Variants in ESRRG observed in about 807,000 individuals in gnomAD.
ESRRG encodes the protein estrogen-related receptor gamma.
In ESRRG, 13 loss-of-function variants were observed where a neutral mutation model predicts 44.0. That is an observed-to-expected ratio of 0.30 (90% confidence interval 0.19 to 0.47). The LOEUF is 0.47. ESRRG is among the 20% of genes least tolerant of loss of function. ESRRG has a pLI of 1.00. For synonymous variants in ESRRG, 215 were observed against 214.6 expected (o/e 1.00, Z -0.02); for missense variants, 395 against 580.6 (o/e 0.68, Z 3.29).
At chr1:217,009,199 G>A (rs186520377) in intron 1 of ESRRG, among the ~76,000 whole-genome samples, 52 of 152,026 alleles carry the variant, frequency 3.4e-4, no homozygotes, top group Admixed American at 3.3e-4. Flanking sequence ...CCCCCTTACC[G>A]CTCTCACAGC....
chr1:217,071,245 A>G (rs913560318), intron 1 of ESRRG, among the ~76,000 whole-genome samples: 2 of 152,260 alleles, frequency 1.3e-5, no homozygotes, highest in African/African-American at 2.4e-5. Context: ...TCTCTCCTTC[A>G]TTGCAAAAAA....
intron 3 of ESRRG, among the ~76,000 whole-genome samples, chr1:216,580,763 G>T (rs1197494361): frequency 2.0e-5 from 3 of 152,266 alleles, no homozygotes; most frequent in Non-Finnish European, 1.5e-5. Flanking sequence ...TCCAACAACT[G>T]CCCTGGCAGT....
At chr1:216,713,744 C>T (rs1390111963) in intron 1 of ESRRG, among the ~76,000 whole-genome samples, 1 of 152,190 alleles carries the variant, frequency 6.6e-6, no homozygotes, top group Non-Finnish European at 1.5e-5. Context: ...CACTCAAAAG[C>T]ACCCCTCCTA....
chr1:216,783,256 C>T (rs1021740351), intron 2 of ESRRG, among the ~76,000 whole-genome samples: 2 of 151,924 alleles, frequency 1.3e-5, no homozygotes, highest in Admixed American at 6.6e-5. Context: ...ACACATTTAC[C>T]AGGAGGGACC....
At chr1:216,989,336 CA>C (rs1396265281) in intron 1 of ESRRG, among the ~76,000 whole-genome samples, 1 of 150,462 alleles carries the variant, frequency 6.6e-6, no homozygotes, top group Non-Finnish European at 1.5e-5. Flanking sequence ...CCTGTAGTCC[CA>C]GCTACTCAGG....
Position 216,875,140 on chromosome 1 carries a change from T to C in ESRRG, c.-14+64442A>G, listed in dbSNP as rs111463296. On this transcript the variant is annotated intron_variant, in intron 2 of 7. Coordinates refer to the ESRRG transcript ENST00000359162. ...TCCTTAATAAGCTCCCTTTCGTATA[T>C]ACATATATTCTATTCATTCTCTTCC... 7.2e-5 allele frequency among the ~76,000 whole-genome samples: 11 copies of C among 152,314 alleles called. No individual in the cohort carries two copies. The South Asian group carries it at 1.5e-3, about 20-fold the overall frequency.
intron 2 of ESRRG, among the ~76,000 whole-genome samples, chr1:216,729,475 G>A (rs551292568): frequency 6.5e-4 from 99 of 152,236 alleles, no homozygotes; most frequent in African/African-American, 2.3e-3. Context: ...ACTAGGAGTG[G>A]GAGATACTGG....
chr1:216,768,278 T>C (rs907611459), intron 2 of ESRRG, among the ~76,000 whole-genome samples: 3 of 152,098 alleles, frequency 2.0e-5, no homozygotes, highest in East Asian at 3.9e-4. Context: ...TGAGAAAGGG[T>C]TGATGTGAAA....
At chr1:216,768,480 A>ATCTATTTATCTATCTATCTATCTG (rs2093212487) in intron 2 of ESRRG, among the ~76,000 whole-genome samples, 1 of 150,170 alleles carries the variant, frequency 6.7e-6, no homozygotes, top group African/African-American at 2.5e-5. Flanking sequence ...CTATCTATCT[A>ATCTATTTATCTATCTATCTATCTG]TCTATCTATC....
At chr1:216,593,029 C>T (rs948084212) in intron 3 of ESRRG, among the ~76,000 whole-genome samples, 8 of 152,186 alleles carry the variant, frequency 5.3e-5, no homozygotes, top group Non-Finnish European at 1.0e-4. Flanking sequence ...ATCAGTACTA[C>T]ACAGCTGTCT....
chr1:217,065,742 G>C (rs1212168341), intron 1 of ESRRG, among the ~76,000 whole-genome samples: 1 of 152,212 alleles, frequency 6.6e-6, no homozygotes, highest in African/African-American at 2.4e-5. Context: ...AACTGGCAAA[G>C]AGAGAGTTAC....
At chr1:216,699,544 A>G (rs1390457356) in intron 1 of ESRRG, among the ~76,000 whole-genome samples, 7 of 152,202 alleles carry the variant, frequency 4.6e-5, no homozygotes, top group African/African-American at 1.4e-4. Flanking sequence ...AAGAGGAAAA[A>G]CCTGGAAGAA....
chr1:216,507,677 T>C (rs1032586257), intron 6 of ESRRG, among the ~76,000 whole-genome samples: 4 of 152,230 alleles, frequency 2.6e-5, no homozygotes, highest in Admixed American at 2.0e-4. Flanking sequence ...TCCATGTGAC[T>C]ACATTGAATC....
chr1:217,025,146 G>T lies in ESRRG; in HGVS notation c.-106+64361C>A, dbSNP rs376334164. On this transcript the variant is annotated intron_variant, in intron 1 of 7. Transcript: ENST00000359162. Reference sequence around the variant, plus strand: ...TGCTCGATAAGTCCCAGAGTCTACAGCATCATCAGGTTAAAAAACGTATTT... The same window carrying T: ...TGCTCGATAAGTCCCAGAGTCTACATCATCATCAGGTTAAAAAACGTATTT... Among the ~76,000 whole-genome samples, 41 of 152,286 alleles carry T rather than the reference G, an allele frequency of 2.7e-4. No homozygotes were observed. The East Asian group carries it at 7.9e-3, about 29-fold the overall frequency.
At chr1:216,882,026 T>G (rs1466436211) in intron 2 of ESRRG, among the ~76,000 whole-genome samples, 1 of 152,046 alleles carries the variant, frequency 6.6e-6, no homozygotes, top group Non-Finnish European at 1.5e-5. Flanking sequence ...TAAATGACAT[T>G]TTGTATGGTG....
intron 5 of ESRRG, among the ~76,000 whole-genome samples, chr1:216,548,039 A>G (rs769354640): frequency 6.6e-6 from 1 of 152,086 alleles, no homozygotes. Flanking sequence ...TAGCAAAACA[A>G]TCACCTAGAA....
intron 2 of ESRRG, among the ~76,000 whole-genome samples, chr1:216,663,254 C>T (rs572993743): frequency 6.6e-6 from 1 of 151,826 alleles, no homozygotes; most frequent in Admixed American, 6.6e-5. Flanking sequence ...GAGGCAAAAG[C>T]AGGGGAAAAA....
intron 1 of ESRRG, among the ~76,000 whole-genome samples, chr1:217,131,496 T>C (rs1208502887): frequency 6.6e-6 from 1 of 152,218 alleles, no homozygotes. Flanking sequence ...AATCCAAACA[T>C]ATCTGGTTCA....
intron 2 of ESRRG, among the ~76,000 whole-genome samples, chr1:216,851,914 T>C (rs1365541042): frequency 6.6e-6 from 1 of 150,456 alleles, no homozygotes; most frequent in Non-Finnish European, 1.5e-5. Context: ...CTTTACAAAA[T>C]AATAAGATAC....
Sources: gnomAD v4.1 joint callset for allele counts (sites outside exome capture counted in the v4.1 genomes callset) on GRCh38, gnomAD v4.1.1 for gene constraint, MANE v1.5 for transcripts, NCBI Gene and HGNC (gene_info 2026-07-23, HGNC 2026-07-21) for gene names.